The following NRG1 variants were observed in gnomAD, a reference collection of about 807,000 sequenced individuals.
NRG1 encodes pro-neuregulin-1, membrane-bound isoform.
A neutral mutation model predicts 63.8 loss-of-function variants in NRG1; 18 were observed. That is an observed-to-expected ratio of 0.28 (90% CI 0.19 to 0.42). The LOEUF (loss-of-function observed/expected upper bound fraction) is 0.42. Among genes scored for constraint, NRG1 ranks in the 10% least tolerant of loss-of-function variants. The pLI is 1.00. For missense variants in NRG1, 762 were observed against 814.7 expected, an observed-to-expected ratio of 0.94 and a Z score of 0.79; for synonymous variants, 302 against 301.3, an observed-to-expected ratio of 1.00 and a Z score of -0.02.
At chr8:32,083,680 T>TTCTAAA (rs1827820559) in intron 1 of NRG1, among the ~76,000 whole-genome samples, 1 of 145,406 alleles carries the variant, frequency 6.9e-6, no homozygotes, top group Non-Finnish European at 1.5e-5. Flanking sequence ...TCTGGGTTTG[T>TTCTAAA]TCTAAATTTT....
chr8:32,078,181 G>A (rs1200210505), intron 1 of NRG1, among the ~76,000 whole-genome samples: 3 of 152,194 alleles, frequency 2.0e-5, no homozygotes, highest in African/African-American at 7.2e-5. Context: ...CTCACTGGAG[G>A]TGATTGGGTC....
chr8:32,449,607 T>C (rs1820712780), intron 1 of NRG1, among the ~76,000 whole-genome samples: 2 of 152,168 alleles, frequency 1.3e-5, no homozygotes, highest in Non-Finnish European at 2.9e-5. Flanking sequence ...TGCCAGGCAA[T>C]GCACTAGGCA....
At chr8:31,746,904 G>A (rs1815930152) in intron 1 of NRG1, among the ~76,000 whole-genome samples, 2 of 151,886 alleles carry the variant, frequency 1.3e-5, no homozygotes, top group Admixed American at 6.6e-5. Context: ...AATAAACCAG[G>A]CACAGAAAGA....
intron 1 of NRG1, among the ~76,000 whole-genome samples, chr8:31,714,498 G>A (rs1812153469): frequency 6.6e-6 from 1 of 151,864 alleles, no homozygotes; most frequent in Non-Finnish European, 1.5e-5. Context: ...TTCATTTTTG[G>A]TAAGTTCTCC....
rs185843607 is a variant in NRG1 at position 32,212,921 on chromosome 8, G to A, written c.38-382907G>A. Among the ~76,000 whole-genome samples, 369 of 152,258 alleles carry A rather than the reference G, an allele frequency of 2.4e-3. 1 individual carries two copies. The highest frequency in any genetic ancestry group is 3.2e-3 in the Non-Finnish European group (218 of 68,024). On this transcript the variant is annotated intron_variant, in intron 1 of 10. Coordinates refer to the NRG1 transcript ENST00000519301. ...GTTGGCTTGGTAAAATGAATTAGGA[G>A]ACTTCATATTCTAAATTCTGAAATA...
intron 1 of NRG1, among the ~76,000 whole-genome samples, chr8:32,309,568 G>T (rs1563298627): frequency 2.0e-5 from 3 of 152,206 alleles, no homozygotes; most frequent in African/African-American, 7.2e-5. Flanking sequence ...AGCCCACTAA[G>T]AGCTAAAAGG....
In NRG1 at chr8:32,103,571, T is replaced by A. The variant is rs567339449; in HGVS notation, c.37+464140T>A. Among the ~76,000 whole-genome samples, 6 of 152,334 alleles carry A rather than the reference T, an allele frequency of 3.9e-5. No individual in the cohort carries two copies. In the East Asian group the frequency reaches 1.2e-3, roughly 29 times the overall value. On this transcript the variant is annotated intron_variant, in intron 1 of 10. Transcript: ENST00000519301. ...ACCCAGCAGTGGGATTGCTGGATCA[T>A]ATGGTAGCTCTGTATTTAGTTTTTT...
At chr8:31,826,676 A>C (rs1824601604) in intron 1 of NRG1, among the ~76,000 whole-genome samples, 1 of 152,202 alleles carries the variant, frequency 6.6e-6, no homozygotes, top group South Asian at 2.1e-4. Context: ...TCACTGTCCC[A>C]GGACAGGAGG....
At chr8:32,454,985 G>A (rs764777182) in intron 1 of NRG1, among the ~76,000 whole-genome samples, 1 of 152,146 alleles carries the variant, frequency 6.6e-6, no homozygotes, top group Non-Finnish European at 1.5e-5. Flanking sequence ...CTAGTGCTCA[G>A]TACAGTGACT....
At chr8:32,017,448 G>C in intron 1 of NRG1, among the ~76,000 whole-genome samples, 1 of 152,152 alleles carries the variant, frequency 6.6e-6, no homozygotes, top group African/African-American at 2.4e-5. Flanking sequence ...CACCAGCTGG[G>C]TGTCATCCAG....
intron 1 of NRG1, among the ~76,000 whole-genome samples, chr8:31,714,202 C>T (rs530165143): frequency 8.7e-5 from 13 of 149,368 alleles, no homozygotes; most frequent in Admixed American, 7.2e-4. Flanking sequence ...TATTTTTTTC[C>T]TCATTTTTTT....
At chr8:31,904,013 C>G (rs74444179) in intron 1 of NRG1, among the ~76,000 whole-genome samples, 7,407 of 152,262 alleles carry the variant, frequency 0.049, 273 homozygotes, top group Non-Finnish European at 0.075. Flanking sequence ...TGTATCTGCT[C>G]TTCTAAAAAC....
At chr8:32,423,763 C>G (rs562383128) in intron 1 of NRG1, among the ~76,000 whole-genome samples, 87 of 152,292 alleles carry the variant, frequency 5.7e-4, no homozygotes, top group African/African-American at 1.9e-3. Flanking sequence ...TACACTTATT[C>G]CTTTCTTAAA....
At chr8:31,699,159 C>T (rs955353804) in intron 1 of NRG1, among the ~76,000 whole-genome samples, 13 of 151,256 alleles carry the variant, frequency 8.6e-5, no homozygotes, top group African/African-American at 3.2e-4. Context: ...ACAGTTCTTG[C>T]ATTCATCATT....
intron 1 of NRG1, among the ~76,000 whole-genome samples, chr8:31,671,631 A>G (rs534797489): frequency 6.6e-6 from 1 of 152,312 alleles, no homozygotes; most frequent in East Asian, 1.9e-4. Context: ...TAGCCAGTAG[A>G]TTTATAATTA....
At chr8:31,921,738 A>G (rs910325293) in intron 1 of NRG1, among the ~76,000 whole-genome samples, 1 of 152,180 alleles carries the variant, frequency 6.6e-6, no homozygotes, top group Admixed American at 6.6e-5. Flanking sequence ...AGCTGCTTCC[A>G]TGAGATGTTG....
At chr8:31,670,509 A>C (rs572385877) in intron 1 of NRG1, among the ~76,000 whole-genome samples, 70 of 152,302 alleles carry the variant, frequency 4.6e-4, no homozygotes, top group African/African-American at 1.5e-3. Context: ...AAGGTGGTAA[A>C]CAGGAAATGG....
chr8:31,757,409 A>G (rs1377187282), intron 1 of NRG1, among the ~76,000 whole-genome samples: 2 of 152,032 alleles, frequency 1.3e-5, no homozygotes, highest in Non-Finnish European at 2.9e-5. Flanking sequence ...CACATTGGCT[A>G]AAAAAACAAC....
At chr8:32,723,032 A>C (rs1380703269) in intron 5 of NRG1, among the ~76,000 whole-genome samples, 1 of 152,162 alleles carries the variant, frequency 6.6e-6, no homozygotes, top group African/African-American at 2.4e-5. Context: ...TCTGGGCAGA[A>C]TTTCTTTTTT....
Sources: gnomAD v4.1 joint callset for allele counts (sites outside exome capture counted in the v4.1 genomes callset) on GRCh38, gnomAD v4.1.1 for gene constraint, MANE v1.5 for transcripts, NCBI Gene and HGNC (gene_info 2026-07-23, HGNC 2026-07-21) for gene names.